The following EYS variants were observed in gnomAD, a reference collection of about 807,000 sequenced individuals.
The protein encoded by EYS is protein eyes shut homolog.
In EYS, 250 loss-of-function variants were observed where a neutral mutation model predicts 282.1. The ratio of observed to expected loss-of-function variants is 0.89; its 90% CI spans 0.80 to 0.98. The LOEUF (loss-of-function observed/expected upper bound fraction) is 0.98. Among genes scored for constraint, EYS ranks in the 50% least tolerant of loss-of-function variants. EYS has a pLI of 0.00. For synonymous variants in EYS, 1,355 were observed against 1,282.9 expected, an observed-to-expected ratio of 1.06 and a Z score of -1.20; for missense variants, 4,016 against 3,709.0, an observed-to-expected ratio of 1.08 and a Z score of -2.15.
At chr6:64,857,637 T>C (rs66572711) in intron 19 of EYS, among the ~76,000 whole-genome samples, 15,564 of 152,256 alleles carry the variant, frequency 0.1, 1,063 homozygotes, top group East Asian at 0.24. Flanking sequence ...GTAGATATGC[T>C]GGATCATATG....
At chr6:65,329,547 C>T (rs1582146847) in intron 11 of EYS, 1 of 982,650 alleles carries the variant, frequency 1.0e-6, no homozygotes, top group Non-Finnish European at 1.2e-6. Flanking sequence ...TTCAATATGA[C>T]ACTTTCATAT....
At chr6:63,887,314 G>GGT (rs765420360) in intron 35 of EYS, among the ~76,000 whole-genome samples, 9 of 120,238 alleles carry the variant, frequency 7.5e-5, no homozygotes, top group African/African-American at 1.3e-4. Flanking sequence ...AATAAAAGGT[G>GGT]TTTTTTTTTT....
At chr6:63,781,178 A>G (rs1770214054) in intron 39 of EYS, among the ~76,000 whole-genome samples, 1 of 152,224 alleles carries the variant, frequency 6.6e-6, no homozygotes, top group Non-Finnish European at 1.5e-5. Context: ...GAAGTCACGT[A>G]GCGTGATGCC....
chr6:64,684,391 A>G (rs578213160), intron 22 of EYS, among the ~76,000 whole-genome samples: 16 of 152,294 alleles, frequency 1.1e-4, no homozygotes, highest in Non-Finnish European at 1.9e-4. Flanking sequence ...TTGAGTTTCA[A>G]TAATAATTCA....
At chr6:65,150,262 T>TC (rs1186766858) in intron 12 of EYS, among the ~76,000 whole-genome samples, 1 of 152,094 alleles carries the variant, frequency 6.6e-6, no homozygotes, top group African/African-American at 2.4e-5. Context: ...TTACTTTTTT[T>TC]CCCCTTTTTT....
At chr6:64,821,221 C>T (rs965564814) in intron 21 of EYS, among the ~76,000 whole-genome samples, 1 of 151,888 alleles carries the variant, frequency 6.6e-6, no homozygotes, top group African/African-American at 2.4e-5. Flanking sequence ...TATATGCATC[C>T]AGTATTTATA....
chr6:65,329,201 A>G (rs1769706915), intron 11 of EYS: 1 of 289,484 alleles, frequency 3.5e-6, no homozygotes, highest in African/African-American at 2.3e-5. Context: ...TAACGTATGT[A>G]TTTGGGAAAA....
At chr6:64,891,776 A>G (rs1397421348) in intron 18 of EYS, among the ~76,000 whole-genome samples, 1 of 152,098 alleles carries the variant, frequency 6.6e-6, no homozygotes, top group Non-Finnish European at 1.5e-5. Context: ...TCCTTTGATA[A>G]AACTCAATAT....
rs149035143 is a variant in EYS, at chr6:65,008,697, A to T, written c.2138-10994T>A. 9.7e-3 allele frequency among the ~76,000 whole-genome samples: 1,474 copies of T among 152,296 alleles called. 18 individuals are homozygous for T. The highest frequency in any genetic ancestry group is 0.034 in the African/African-American group (1,416 of 41,564). ...TGCCCCAAGGGACGAAGGTCCTCTGAGTCAGAAGCCACTAACCAGATGATC... is the reference window on the plus strand; with the variant it reads ...TGCCCCAAGGGACGAAGGTCCTCTGTGTCAGAAGCCACTAACCAGATGATC... On this transcript the variant is annotated intron_variant, in intron 13 of 42. Coordinates refer to ENST00000503581, the MANE Select transcript of EYS (RefSeq NM_001142800.2).
At chr6:64,415,486 C>A (rs1421490803) in intron 28 of EYS, among the ~76,000 whole-genome samples, 1 of 152,138 alleles carries the variant, frequency 6.6e-6, no homozygotes, top group Non-Finnish European at 1.5e-5. Context: ...TTCTCTCTGT[C>A]CTAATAGAGA....
Position 64,082,006 on chromosome 6 carries a change from A to T in EYS, c.6425-4T>A. 6.6e-7 allele frequency: 1 copy of T among 1,526,318 alleles called. No homozygotes were observed. The highest frequency in any genetic ancestry group is 8.9e-7 in the Non-Finnish European group (1 of 1,127,374). 94.5% of individuals were successfully genotyped at this position (1,526,318 alleles called of 1,614,324 possible). The stretch of plus-strand genomic sequence containing the variant: ...GATGGAAAGAATAAACCTGCATCTA[A>T]AAAAGAAAATGGTATTAATATGTTC... On this transcript the variant is annotated splice_polypyrimidine_tract_variant and splice_region_variant and intron_variant, in intron 31 of 42. Coordinates refer to ENST00000503581, the MANE Select transcript of EYS (RefSeq NM_001142800.2).
chr6:65,345,824 C>T (rs1284661527), intron 9 of EYS, among the ~76,000 whole-genome samples: 2 of 151,482 alleles, frequency 1.3e-5, no homozygotes, highest in African/African-American at 2.4e-5. Context: ...AAATGATACA[C>T]TGACTAAATT....
intron 29 of EYS, among the ~76,000 whole-genome samples, chr6:64,384,198 G>A (rs896144779): frequency 6.6e-6 from 1 of 152,058 alleles, no homozygotes; most frequent in Non-Finnish European, 1.5e-5. Context: ...TCAATGTCTT[G>A]AACATACCTG....
intron 30 of EYS, among the ~76,000 whole-genome samples, chr6:64,303,858 A>AC (rs989151398): frequency 6.6e-6 from 1 of 151,556 alleles, no homozygotes; most frequent in African/African-American, 2.4e-5. Flanking sequence ...AAAAAAAAAA[A>AC]AAAGCCTCAG....
chr6:64,615,922 T>A (rs1390417149), intron 24 of EYS, among the ~76,000 whole-genome samples: 2 of 152,066 alleles, frequency 1.3e-5, no homozygotes, highest in Non-Finnish European at 2.9e-5. Context: ...TTCCAAGATG[T>A]TTCTATTTCT....
intron 14 of EYS, among the ~76,000 whole-genome samples, chr6:64,986,083 TTTCTCAATA>T (rs1770849908): frequency 6.6e-6 from 1 of 151,520 alleles, no homozygotes; most frequent in Non-Finnish European, 1.5e-5. Context: ...GTTTATTCTA[TTTCTCAATA>T]TTCAAGCAAA....
At chr6:64,433,080 T>G (rs562386715) in intron 28 of EYS, among the ~76,000 whole-genome samples, 1 of 152,176 alleles carries the variant, frequency 6.6e-6, no homozygotes, top group South Asian at 2.1e-4. Flanking sequence ...TGTCTTTCCT[T>G]GTTCTCAAAA....
At chr6:65,681,244 T>A (rs564981913) in intron 1 of EYS, among the ~76,000 whole-genome samples, 36 of 152,058 alleles carry the variant, frequency 2.4e-4, no homozygotes, top group Middle Eastern at 3.4e-3. Context: ...AACTCATCCC[T>A]AGAGCCTTGG....
chr6:64,683,790 C>T (rs1769987024), intron 22 of EYS, among the ~76,000 whole-genome samples: 1 of 152,192 alleles, frequency 6.6e-6, no homozygotes, highest in Non-Finnish European at 1.5e-5. Context: ...CACCATTGTG[C>T]AGACCGTGGT....
Sources: allele counts gnomAD v4.1 joint callset (sites outside exome capture counted in the v4.1 genomes callset), GRCh38; gene constraint gnomAD v4.1.1; transcripts MANE v1.5; gene names NCBI Gene and HGNC (gene_info 2026-07-23, HGNC 2026-07-21).